RNF220: variants seen among roughly 807,000 people sequenced by gnomAD.
RNF220 encodes the protein ring finger protein 220, also known as E3 ubiquitin-protein ligase RNF220.
In RNF220, 7 loss-of-function variants were observed where a neutral mutation model predicts 67.1. The ratio of observed to expected loss-of-function variants is 0.10; its 90% CI spans 0.06 to 0.20. The LOEUF is 0.20. Among genes scored for constraint, RNF220 ranks in the 10% least tolerant of loss-of-function variants. RNF220 has a pLI of 1.00. For synonymous variants in RNF220, 270 were observed against 283.2 expected (o/e 0.95, Z 0.47); for missense variants, 565 against 740.3 (o/e 0.76, Z 2.75).
chr1:44,579,065 G>T (rs887485838), intron 2 of RNF220, among the ~76,000 whole-genome samples: 4 of 151,598 alleles, frequency 2.6e-5, no homozygotes, highest in African/African-American at 9.7e-5. Flanking sequence ...CTGAGGGAGG[G>T]GAATCACTTG....
chr1:44,488,470 C>T (rs182051267), intron 2 of RNF220, among the ~76,000 whole-genome samples: 274 of 152,072 alleles, frequency 1.8e-3, no homozygotes, highest in Admixed American at 4.7e-3. Context: ...GACAGGGTTT[C>T]GCCATGTCAT....
intron 2 of RNF220, among the ~76,000 whole-genome samples, chr1:44,529,316 G>A (rs1254865889): frequency 6.6e-6 from 1 of 151,326 alleles, no homozygotes; most frequent in African/African-American, 2.4e-5. Flanking sequence ...ATAATGTTAA[G>A]TAAAACTATG....
At chr1:44,646,653 G>A (rs374297262) in intron 12 of RNF220, among the ~76,000 whole-genome samples, 5 of 152,232 alleles carry the variant, frequency 3.3e-5, no homozygotes, top group African/African-American at 7.2e-5. Context: ...TGGCGCCCGA[G>A]GGGGAGGTGG....
At chr1:44,563,051 G>A (rs1398987469) in intron 2 of RNF220, among the ~76,000 whole-genome samples, 3 of 152,234 alleles carry the variant, frequency 2.0e-5, no homozygotes, top group Non-Finnish European at 2.9e-5. Flanking sequence ...TCATGGGCAC[G>A]AATGAAGTGC....
intron 2 of RNF220, among the ~76,000 whole-genome samples, chr1:44,457,125 C>A (rs1194073577): frequency 1.3e-5 from 2 of 152,078 alleles, no homozygotes; most frequent in Non-Finnish European, 2.9e-5. Context: ...TCTCCCAACA[C>A]CCTCCCAACA....
At chr1:44,423,656 C>T (rs1649452495) in intron 2 of RNF220, among the ~76,000 whole-genome samples, 1 of 152,106 alleles carries the variant, frequency 6.6e-6, no homozygotes, top group African/African-American at 2.4e-5. Context: ...ATTAAGGGTC[C>T]TCATCTTTTT....
intron 2 of RNF220, among the ~76,000 whole-genome samples, chr1:44,586,120 G>A (rs938349478): frequency 6.6e-6 from 1 of 152,216 alleles, no homozygotes; most frequent in Non-Finnish European, 1.5e-5. Flanking sequence ...GGGAGTCTAG[G>A]TAGTTATTTA....
At chr1:44,472,686 C>T (rs372921172) in intron 2 of RNF220, among the ~76,000 whole-genome samples, 2 of 152,318 alleles carry the variant, frequency 1.3e-5, no homozygotes, top group South Asian at 2.1e-4. Context: ...CCTTCCGGTC[C>T]AACAGCTTCT....
intron 2 of RNF220, among the ~76,000 whole-genome samples, chr1:44,513,491 A>G (rs1229294255): frequency 6.6e-6 from 1 of 152,046 alleles, no homozygotes; most frequent in Non-Finnish European, 1.5e-5. Flanking sequence ...AAAAAAACAC[A>G]CAAAACAATT....
chr1:44,457,416 T>A (rs969376519), intron 2 of RNF220, among the ~76,000 whole-genome samples: 11 of 151,034 alleles, frequency 7.3e-5, no homozygotes, highest in Non-Finnish European at 1.2e-4. Flanking sequence ...AGAGAGGGAG[T>A]GAAGATAATT....
chr1:44,464,065 A>C (rs1654045930), intron 2 of RNF220, among the ~76,000 whole-genome samples: 1 of 152,236 alleles, frequency 6.6e-6, no homozygotes, highest in Non-Finnish European at 1.5e-5. Flanking sequence ...TACTATGAAC[A>C]GTTGCAGAAA....
intron 2 of RNF220, among the ~76,000 whole-genome samples, chr1:44,422,398 A>G (rs547469185): frequency 8.5e-5 from 13 of 152,310 alleles, no homozygotes; most frequent in African/African-American, 2.6e-4. Context: ...TGACAGGCCA[A>G]CCTGGTGGGG....
chr1:44,597,284 G>C (rs1666566197), intron 2 of RNF220, among the ~76,000 whole-genome samples: 1 of 152,090 alleles, frequency 6.6e-6, no homozygotes, highest in African/African-American at 2.4e-5. Flanking sequence ...TGAATGAATG[G>C]ATAAATAAAT....
At chr1:44,637,975 A>C (rs904032398) in intron 8 of RNF220, among the ~76,000 whole-genome samples, 10 of 152,250 alleles carry the variant, frequency 6.6e-5, no homozygotes, top group African/African-American at 2.4e-4. Context: ...GCTGTTTTAC[A>C]GCGAGATCAG....
At position 44,650,787 on chromosome 1, in the gene RNF220, C is replaced by G; in HGVS notation, c.*12C>G. 6.2e-7 allele frequency: 1 copy of G among 1,612,860 alleles called. No homozygotes were observed. The highest frequency in any genetic ancestry group is 8.5e-7 in the Non-Finnish European group (1 of 1,179,794). On this transcript the variant is annotated 3_prime_UTR_variant, in exon 15 of 15. Coordinates refer to ENST00000361799, the MANE Select transcript of RNF220 (RefSeq NM_018150.4). The surrounding 1 kb of genome is among the most constrained non-coding windows in gnomAD (Gnocchi z 4.3). ...GGATCTACTTGTGAGCTATCTGCCCCAGGCAGGCCTCGCCTCCAGCAGCCC... is the reference window on the plus strand; with the variant it reads ...GGATCTACTTGTGAGCTATCTGCCCGAGGCAGGCCTCGCCTCCAGCAGCCC...
At position 44,617,963 on chromosome 1, in the gene RNF220, C is replaced by A. The variant is rs562327763; in HGVS notation, c.758+3666C>A. ...TGTCCCTTTTCCTCTCCTACCCTGCCTTTGCCTCCATTGCCTCCTTTGCCC... is the reference window on the plus strand; with the variant it reads ...TGTCCCTTTTCCTCTCCTACCCTGCATTTGCCTCCATTGCCTCCTTTGCCC... On this transcript the variant is annotated intron_variant, in intron 3 of 14. Coordinates refer to ENST00000361799, the MANE Select transcript of RNF220 (RefSeq NM_018150.4). 1.3e-3 allele frequency among the ~76,000 whole-genome samples: 195 copies of A among 152,284 alleles called. 9 individuals carry two copies. In the South Asian group the frequency reaches 0.039, roughly 30 times the overall value.
chr1:44,632,490 C>G, intron 6 of RNF220, 105 bp downstream of exon 6: 2 of 1,033,216 alleles, frequency 1.9e-6, no homozygotes, highest in Non-Finnish European at 2.8e-6. Flanking sequence ...ACTCTGGGGC[C>G]CGTTGGCTTC....
intron 2 of RNF220, among the ~76,000 whole-genome samples, chr1:44,448,173 C>A (rs1018555134): frequency 1.2e-4 from 18 of 152,162 alleles, no homozygotes; most frequent in Admixed American, 2.6e-4. Context: ...GTGGTGTGCG[C>A]TTGTAATCCC....
intron 2 of RNF220, among the ~76,000 whole-genome samples, chr1:44,546,853 A>G (rs1185577779): frequency 6.6e-6 from 1 of 152,130 alleles, no homozygotes; most frequent in Non-Finnish European, 1.5e-5. Context: ...GCTATGGACA[A>G]CTGCATTGCT....
Sources: allele counts gnomAD v4.1 joint callset (sites outside exome capture counted in the v4.1 genomes callset), GRCh38; gene constraint gnomAD v4.1.1; non-coding constraint Gnocchi (gnomAD v3.1); transcripts MANE v1.5; gene names NCBI Gene and HGNC (gene_info 2026-07-23, HGNC 2026-07-21).